Variants in FKTN observed in about 807,000 individuals in gnomAD.
FKTN encodes the protein ribitol-5-phosphate transferase FKTN.
In FKTN, 47 loss-of-function variants were observed where a neutral mutation model predicts 58.6. The ratio of observed to expected loss-of-function variants is 0.80; its 90% CI spans 0.63 to 1.02. The LOEUF (loss-of-function observed/expected upper bound fraction) is 1.02, where lower values mean the gene tolerates loss of function less well. Among genes scored for constraint, FKTN ranks in the 50% least tolerant of loss-of-function variants. The pLI, the probability that FKTN is intolerant of heterozygous loss-of-function variation, is 0.00. For missense variants in FKTN, 516 were observed against 537.3 expected, an observed-to-expected ratio of 0.96 and a Z score of 0.39; for synonymous variants, 178 against 191.9, an observed-to-expected ratio of 0.93 and a Z score of 0.60.
At chr9:105,583,332 A>G (rs1288420599) in intron 3 of FKTN, among the ~76,000 whole-genome samples, 1 of 152,182 alleles carries the variant, frequency 6.6e-6, no homozygotes, top group South Asian at 2.1e-4. Context: ...AATTTTCCCA[A>G]TATCACATAG....
At chr9:105,567,607 G>A (rs2131835931) in intron 1 of FKTN, among the ~76,000 whole-genome samples, 1 of 152,270 alleles carries the variant, frequency 6.6e-6, no homozygotes, top group Non-Finnish European at 1.5e-5. Flanking sequence ...CCTCTTTAAG[G>A]AGAAGTACAA....
chr9:105,566,041 G>T (rs542719950), intron 1 of FKTN, among the ~76,000 whole-genome samples: 234 of 152,332 alleles, frequency 1.5e-3, no homozygotes, highest in Non-Finnish European at 2.1e-3. Context: ...ACCTGCTCCT[G>T]AATGACTACT....
At chr9:105,594,914 C>T (rs896761138) in intron 3 of FKTN, among the ~76,000 whole-genome samples, 4 of 152,022 alleles carry the variant, frequency 2.6e-5, no homozygotes, top group East Asian at 1.9e-4. Context: ...TGAATATTTC[C>T]GATTGCATTT....
At chr9:105,599,375 C>G (rs929836766) in intron 4 of FKTN, among the ~76,000 whole-genome samples, 6 of 150,396 alleles carry the variant, frequency 4.0e-5, no homozygotes, top group African/African-American at 1.2e-4. Flanking sequence ...TTTTTAGTTA[C>G]TGGAATTGAT....
chr9:105,584,184 A>C (rs1843507636), intron 3 of FKTN, among the ~76,000 whole-genome samples: 1 of 152,228 alleles, frequency 6.6e-6, no homozygotes, highest in Non-Finnish European at 1.5e-5. Flanking sequence ...AGCTTAAATG[A>C]ATTGATATAC....
At position 105,615,362 on chromosome 9, in the gene FKTN, A is replaced by G. The variant is rs1380069538; in HGVS notation, c.865A>G (p.Asn289Asp). ...ACTGCAACTAGCAGCGAAAACATTA[A>G]ACAAATTGGGAGTACCATTCTGGCT... is the stretch of plus-strand genomic sequence containing the variant. ...ELLQLAAKTL[N>D]KLGVPFWLSS... Residue 289 changes from asparagine (N) to aspartate (D), a missense_variant, in exon 8 of 11, where the codon AAC (asparagine) becomes GAC (aspartate). Transcript: ENST00000357998. 1.2e-6 allele frequency: 2 copies of G among 1,614,052 alleles called. No homozygotes were observed. The highest frequency in any genetic ancestry group is 1.1e-5 in the South Asian group (1 of 91,078).
chr9:105,575,453 G>C (rs948441493), intron 3 of FKTN, among the ~76,000 whole-genome samples: 1 of 152,100 alleles, frequency 6.6e-6, no homozygotes, highest in African/African-American at 2.4e-5. Context: ...GTCAAAATTA[G>C]TTTATTTTAG....
chr9:105,562,963 C>A (rs911263469), intron 1 of FKTN, among the ~76,000 whole-genome samples: 2 of 152,272 alleles, frequency 1.3e-5, no homozygotes, highest in African/African-American at 4.8e-5. Context: ...TTCCACTTCC[C>A]CCCACTCCTG....
chr9:105,596,040 A>C (rs116639154), intron 3 of FKTN, among the ~76,000 whole-genome samples: 1,868 of 152,142 alleles, frequency 0.012, 55 homozygotes, highest in African/African-American at 0.043. Flanking sequence ...AAACTTCAAC[A>C]TTCAAAATTA....
At chr9:105,596,533 A>C (rs1826835172) in intron 3 of FKTN, 65 bp from the exon 4 acceptor site, 1 of 986,568 alleles carries the variant, frequency 1.0e-6, no homozygotes, top group South Asian at 1.3e-5. Context: ...CTCATGCCTA[A>C]CTGAAATGTA....
intron 6 of FKTN, among the ~76,000 whole-genome samples, 172 bp downstream of exon 6, chr9:105,604,664 A>G (rs1013540908): frequency 1.3e-5 from 2 of 152,184 alleles, no homozygotes; most frequent in African/African-American, 4.8e-5. Context: ...CTTCAACAAT[A>G]AAAGGATTGG....
intron 10 of FKTN, among the ~76,000 whole-genome samples, chr9:105,624,599 C>T (rs116269781): frequency 0.02 from 3,020 of 149,572 alleles, 98 homozygotes; most frequent in African/African-American, 0.071. Flanking sequence ...CCACTGTACT[C>T]CAGCCTAGGT....
rs1410992196 is a variant in FKTN at position 105,638,988 on chromosome 9, A to G, written c.*3724A>G. On this transcript the variant is annotated 3_prime_UTR_variant, in exon 11 of 11. Transcript: ENST00000357998. ...ATGAGCTTCCACACTTCAGTCTAAA[A>G]TCTCACCCAAACTTATGGCTACATA... 1.0e-6 allele frequency: 1 copy of G among 985,156 alleles called. No homozygotes were observed. Among genetic ancestry groups the G allele is most frequent in the Non-Finnish European group, 1.2e-6 (1 of 829,880 alleles). 61.0% of individuals were successfully genotyped at this position (985,156 alleles called of 1,614,324 possible). A position where few individuals can be genotyped will look rare whatever the true frequency, so the allele number is the denominator to read the frequency against.
At chr9:105,609,100 G>T (rs974339587) in intron 7 of FKTN, among the ~76,000 whole-genome samples, 6 of 152,108 alleles carry the variant, frequency 3.9e-5, no homozygotes, top group Admixed American at 6.6e-5. Flanking sequence ...TTATTTACCT[G>T]TGTTGGCCCA....
intron 1 of FKTN, among the ~76,000 whole-genome samples, chr9:105,570,632 C>A (rs576136395): frequency 2.0e-4 from 30 of 152,224 alleles, no homozygotes; most frequent in African/African-American, 6.5e-4. Context: ...CTGTACTCAC[C>A]TTTAAGCCCT....
At chr9:105,570,365 C>T (rs1196516150) in intron 1 of FKTN, among the ~76,000 whole-genome samples, 1 of 152,108 alleles carries the variant, frequency 6.6e-6, no homozygotes, top group Non-Finnish European at 1.5e-5. Context: ...CTAGTAAAAG[C>T]CTCAAGGTTA....
At chr9:105,584,005 T>C (rs1303350176) in intron 3 of FKTN, among the ~76,000 whole-genome samples, 1 of 152,196 alleles carries the variant, frequency 6.6e-6, no homozygotes, top group Non-Finnish European at 1.5e-5. Flanking sequence ...TTTCCCTTGG[T>C]GGCAGTGTAA....
Position 105,637,871 on chromosome 9 carries a change from A to G in FKTN, c.*2607A>G. On this transcript the variant is annotated 3_prime_UTR_variant, in exon 11 of 11. Transcript: ENST00000357998. ...GCTACTGATATCTGGCCCCTGGAATAAAACCATAGTTCCTAAAATTGAGCA... is the reference window on the plus strand; with the variant it reads ...GCTACTGATATCTGGCCCCTGGAATGAAACCATAGTTCCTAAAATTGAGCA... 1 of 985,354 alleles carries G rather than the reference A, an allele frequency of 1.0e-6. No individual in the cohort carries two copies. Among genetic ancestry groups the G allele is most frequent in the Non-Finnish European group, 1.2e-6 (1 of 829,900 alleles). 61.0% of individuals were successfully genotyped at this position (985,354 alleles called of 1,614,324 possible). A position where few individuals can be genotyped will look rare whatever the true frequency, so the allele number is the denominator to read the frequency against.
intron 10 of FKTN, among the ~76,000 whole-genome samples, chr9:105,634,176 G>A (rs1702594851): frequency 6.6e-6 from 1 of 151,834 alleles, no homozygotes; most frequent in African/African-American, 2.4e-5. Context: ...GTGTCACCCG[G>A]GCTGGAGTGC....
Sources: allele counts gnomAD v4.1 joint callset (sites outside exome capture counted in the v4.1 genomes callset), GRCh38; gene constraint gnomAD v4.1.1; transcripts MANE v1.5; gene names NCBI Gene and HGNC (gene_info 2026-07-23, HGNC 2026-07-21).